The following CPB1 variants were observed in gnomAD, a reference collection of about 807,000 sequenced individuals.
CPB1 encodes carboxypeptidase B.
Under a neutral mutation model 51.4 loss-of-function variants are expected in CPB1, and 53 were observed. The observed-to-expected ratio is 1.03, with a 90% CI of 0.83 to 1.30. CPB1 has a LOEUF of 1.30. Ranked by LOEUF, CPB1 falls within the 50% of genes most tolerant of loss-of-function variation. CPB1 has a pLI of 0.00. For missense variants in CPB1, 494 were observed against 516.2 expected, an observed-to-expected ratio of 0.96 and a Z score of 0.42; for synonymous variants, 189 against 186.9, an observed-to-expected ratio of 1.01 and a Z score of -0.09.
At chr3:148,829,195 T>C (rs1712658043) in intron 2 of CPB1, among the ~76,000 whole-genome samples, 1 of 152,224 alleles carries the variant, frequency 6.6e-6, no homozygotes, top group East Asian at 1.9e-4. Flanking sequence ...CCGTAATTTT[T>C]CTTAGCACTG....
intron 6 of CPB1, among the ~76,000 whole-genome samples, chr3:148,843,794 C>T (rs2201154): frequency 0.019 from 2,841 of 152,194 alleles, 35 homozygotes; most frequent in Non-Finnish European, 0.029. Flanking sequence ...ATTAAATGGG[C>T]ATGATGTCCC....
chr3:148,852,381 C>T lies in CPB1; in HGVS notation c.982-5076C>T, dbSNP rs201175796. Reference sequence around the variant, plus strand: ...CTACTGGCATCTAGTGAGTAGAGGCCAAGGGATGCTGATAAACATCCTACA... The same window carrying T: ...CTACTGGCATCTAGTGAGTAGAGGCTAAGGGATGCTGATAAACATCCTACA... On this transcript the variant is annotated intron_variant, in intron 9 of 10. Coordinates refer to ENST00000282957, the MANE Select transcript of CPB1 (RefSeq NM_001871.3). Among the ~76,000 whole-genome samples the T allele has an allele frequency of 3.3e-5, 5 of 152,048 alleles. No homozygotes were observed. In the East Asian group the frequency reaches 9.6e-4, roughly 29 times the overall value.
At chr3:148,830,152 A>G (rs1245781811) in intron 2 of CPB1, among the ~76,000 whole-genome samples, 2 of 152,116 alleles carry the variant, frequency 1.3e-5, no homozygotes, top group Non-Finnish European at 2.9e-5. Flanking sequence ...GCTTTGCCAG[A>G]ATCCATGCCA....
At chr3:148,830,712 T>C (rs1712707502) in intron 2 of CPB1, among the ~76,000 whole-genome samples, 1 of 152,130 alleles carries the variant, frequency 6.6e-6, no homozygotes, top group Non-Finnish European at 1.5e-5. Flanking sequence ...TCTTTACTTA[T>C]CCTTGTGGTA....
intron 2 of CPB1, among the ~76,000 whole-genome samples, chr3:148,828,523 T>C (rs779470158): frequency 6.6e-6 from 1 of 152,218 alleles, no homozygotes; most frequent in Non-Finnish European, 1.5e-5. Context: ...TTCATGACCT[T>C]GATTCAGGTC....
In CPB1 at chr3:148,860,131, A is replaced by T; in HGVS notation, c.*129A>T. On this transcript the variant is annotated 3_prime_UTR_variant, in exon 11 of 11. Coordinates refer to ENST00000282957, the MANE Select transcript of CPB1 (RefSeq NM_001871.3). ...TCTTTTAAGCTTCTGGGTCTATTAA[A>T]CTAGGTAGATCTTTTCGTATTGATC... is the stretch of plus-strand genomic sequence containing the variant. 1.2e-6 allele frequency: 1 copy of T among 821,366 alleles called. No individual in the cohort carries two copies. Among genetic ancestry groups the T allele is most frequent in the Non-Finnish European group, 1.9e-6 (1 of 522,902 alleles). The allele number at this position is 821,366 out of a possible 1,614,324, so 50.9% of individuals were successfully genotyped here. A position where few individuals can be genotyped will look rare whatever the true frequency, so the allele number is the denominator to read the frequency against.
rs751766616 is a variant in CPB1 at position 148,857,551 on chromosome 3, G to A, written c.1066+10G>A. ...GGAGCTACAACAATCTGTGAGTCTTGGCTTCAGAACTGTGCAAAGAACCAT... is the reference window on the plus strand; with the variant it reads ...GGAGCTACAACAATCTGTGAGTCTTAGCTTCAGAACTGTGCAAAGAACCAT... On this transcript the variant is annotated intron_variant, in intron 10 of 10. Coordinates refer to ENST00000282957, the MANE Select transcript of CPB1 (RefSeq NM_001871.3). The A allele has an allele frequency of 6.2e-7, 1 of 1,608,650 alleles. No homozygotes were observed. The highest frequency in any genetic ancestry group is 1.1e-5 in the South Asian group (1 of 90,926).
In CPB1 at chr3:148,845,445, C is replaced by A. The variant is rs142894336; in HGVS notation, c.800C>A (p.Pro267His). 1.2e-6 allele frequency: 2 copies of A among 1,613,792 alleles called. No homozygotes were observed. Among genetic ancestry groups the A allele is most frequent in the South Asian group, 2.2e-5 (2 of 91,064 alleles). ...GWCEIGASRNPCDETYCGPAA... is the reference protein window; with the variant it reads ...GWCEIGASRNHCDETYCGPAA... ...CCAGAAATTGGAGCCTCTCGAAACCCCTGTGATGAAACTTACTGTGGACCT... is the reference window on the plus strand; with the variant it reads ...CCAGAAATTGGAGCCTCTCGAAACCACTGTGATGAAACTTACTGTGGACCT... The change falls in exon 9 of 11, where the codon CCC (proline) becomes CAC (histidine). Residue 267 changes from proline to histidine, a missense_variant. Pro to His is a moderately conservative substitution (Grantham distance 77). Transcript: ENST00000282957.
At chr3:148,853,327 C>T (rs111491953) in intron 9 of CPB1, among the ~76,000 whole-genome samples, 8,683 of 152,240 alleles carry the variant, frequency 0.057, 346 homozygotes, top group Non-Finnish European at 0.083. Context: ...GCTATGTGCA[C>T]AGTCACGAAA....
At chr3:148,857,699 A>AAG in intron 10 of CPB1, 158 bp downstream of exon 10, 1 of 525,724 alleles carries the variant, frequency 1.9e-6, no homozygotes, top group East Asian at 3.1e-5. Context: ...CAAAAAAAAA[A>AAG]AAAGGAGGGA....
intron 3 of CPB1, among the ~76,000 whole-genome samples, chr3:148,838,674 A>G (rs1712983365): frequency 1.3e-5 from 2 of 152,234 alleles, no homozygotes; most frequent in South Asian, 2.1e-4. Flanking sequence ...GAAGACATGT[A>G]TGTAAATGAC....
At chr3:148,857,636 G>A in intron 10 of CPB1, 95 bp downstream of exon 10, 1 of 794,946 alleles carries the variant, frequency 1.3e-6, no homozygotes, top group Admixed American at 3.0e-5. Context: ...TTTAAAGCAT[G>A]TGGCTTTTGC....
chr3:148,829,046 T>C (rs1336403501), intron 2 of CPB1, among the ~76,000 whole-genome samples: 1 of 152,234 alleles, frequency 6.6e-6, no homozygotes, highest in Non-Finnish European at 1.5e-5. Flanking sequence ...CTTTTTGGAA[T>C]AGCCCACTTG....
intron 2 of CPB1, 133 bp from the exon 3 acceptor site, chr3:148,834,365 G>A: frequency 1.1e-6 from 1 of 883,536 alleles, no homozygotes; most frequent in East Asian, 2.6e-5. Flanking sequence ...TCACTCAAAG[G>A]AAATATTTTC....
intron 3 of CPB1, among the ~76,000 whole-genome samples, chr3:148,839,861 AC>A (rs1713025260): frequency 6.6e-6 from 1 of 152,288 alleles, no homozygotes; most frequent in South Asian, 2.1e-4. Flanking sequence ...GATCAAGGAT[AC>A]TAATGATCAT....
chr3:148,844,596 C>T lies in CPB1; in HGVS notation c.687+8C>T. 1.9e-6 allele frequency: 3 copies of T among 1,611,366 alleles called. No individual in the cohort carries two copies. Among genetic ancestry groups the T allele is most frequent in the Middle Eastern group, 1.7e-4 (1 of 6,060 alleles). ...ATCTACACCTGGACCAAGGTATATG[C>T]ACCAATACTGAGAGAGGCTGATGAA... is the stretch of plus-strand genomic sequence containing the variant. On this transcript the variant is annotated splice_region_variant and intron_variant, in intron 7 of 10. Transcript: ENST00000282957.
intron 9 of CPB1, among the ~76,000 whole-genome samples, chr3:148,846,686 A>G (rs1424346808): frequency 2.0e-5 from 3 of 147,976 alleles, no homozygotes; most frequent in East Asian, 3.9e-4. Flanking sequence ...TCTTTAAAAA[A>G]CAATACAATT....
chr3:148,835,788 G>A (rs2022789595), intron 3 of CPB1, among the ~76,000 whole-genome samples: 1 of 151,932 alleles, frequency 6.6e-6, no homozygotes, highest in South Asian at 2.1e-4. Flanking sequence ...AATTTTAACA[G>A]AAATTTCTCT....
chr3:148,857,654 C>A (rs1356259), intron 10 of CPB1, 113 bp downstream of exon 10: 50 of 502,372 alleles, frequency 1.0e-4, no homozygotes, highest in South Asian at 5.2e-4. Context: ...TGCCTCACAG[C>A]AAATTTTTCT....
Sources: gnomAD v4.1 joint callset for allele counts (sites outside exome capture counted in the v4.1 genomes callset) on GRCh38, gnomAD v4.1.1 for gene constraint, MANE v1.5 for transcripts, NCBI Gene and HGNC (gene_info 2026-07-23, HGNC 2026-07-21) for gene names.